The following ARHGAP45 variants were observed in gnomAD, a reference collection of about 807,000 sequenced individuals.
ARHGAP45 encodes rho GTPase-activating protein 45.
A neutral mutation model predicts 116.1 loss-of-function variants in ARHGAP45; 56 were observed. That is an observed-to-expected ratio of 0.48 (90% CI 0.39 to 0.60). ARHGAP45 has a LOEUF of 0.60. ARHGAP45 is among the 20% of genes least tolerant of loss of function. The pLI is 0.00. For synonymous variants in ARHGAP45, 866 were observed against 701.7 expected (o/e 1.23, Z -3.70); for missense variants, 1,622 against 1,601.0 (o/e 1.01, Z -0.22).
rs780805397 is a variant in ARHGAP45 at position 1,081,912 on chromosome 19, A to AG, written c.2470dup (p.Ala824GlyfsTer78). 1 of 1,612,902 alleles carries AG rather than the reference A, an allele frequency of 6.2e-7. No homozygotes were observed. The highest frequency in any genetic ancestry group is 8.5e-7 in the Non-Finnish European group (1 of 1,179,860). On this transcript the variant is annotated frameshift_variant, in exon 19 of 23. Transcript: ENST00000313093. LOFTEE classifies it high-confidence loss of function. ...GGCAAGGAGCTGGTCGAGCTGTCGC[A>AG]GGCCTCGCCCCACGACATCAGCAAC...
In ARHGAP45 at chr19:1,074,170, T is replaced by TTG; in HGVS notation, c.857_858insTG (p.Leu287GlyfsTer11). ...TGTGAGGGGGGCGTGGATGCCGCACTGCTGTATGCCAAGAACATGGCCAAG... is the reference window on the plus strand; with the variant it reads ...TGTGAGGGGGGCGTGGATGCCGCACTTGGCTGTATGCCAAGAACATGGCCAAG... On this transcript the variant is annotated frameshift_variant, in exon 7 of 23. Transcript: ENST00000313093. LOFTEE classifies it high-confidence loss of function. 1 of 1,613,472 alleles carries TTG rather than the reference T, an allele frequency of 6.2e-7. No individual in the cohort carries two copies. Among genetic ancestry groups the TTG allele is most frequent in the Non-Finnish European group, 8.5e-7 (1 of 1,180,002 alleles).
chr19:1,085,248 CCA>C (rs1209026658), intron 22 of ARHGAP45, among the ~76,000 whole-genome samples: 2 of 152,064 alleles, frequency 1.3e-5, no homozygotes, highest in East Asian at 1.9e-4. Context: ...TCCGGAAACT[CCA>C]GTTTTTAGAC....
Position 1,071,498 on chromosome 19 carries a change from C to T in ARHGAP45, c.422-1651C>T. 1 of 618,060 alleles carries T rather than the reference C, an allele frequency of 1.6e-6. No homozygotes were observed. Among genetic ancestry groups the T allele is most frequent in the Non-Finnish European group, 2.0e-6 (1 of 488,738 alleles). The allele number at this position is 618,060 out of a possible 1,614,324, so 38.3% of individuals were successfully genotyped here. A position where few individuals can be genotyped will look rare whatever the true frequency, so the allele number is the denominator to read the frequency against. ...TGCGCACCTGGGCATCCCTGCGCTG[C>T]GCAGGGGTCGCGCCGGCCGCCGGCT... On this transcript the variant is annotated intron_variant, in intron 2 of 22. Coordinates refer to ENST00000313093, the MANE Select transcript of ARHGAP45 (RefSeq NM_012292.5). This position sits in a 1 kb window ranked among gnomAD's most constrained non-coding sequence, Gnocchi z 4.6.
chr19:1,085,628 G>A (rs961658901), intron 22 of ARHGAP45, 32 bp from the exon 23 acceptor site: 8 of 1,442,426 alleles, frequency 5.5e-6, no homozygotes, highest in African/African-American at 4.4e-5. Context: ...TCTCCTGTCT[G>A]TCTCCCCCCG....
rs2043145351 is a variant in ARHGAP45 at position 1,071,745 on chromosome 19, G to A, written c.422-1404G>A. 1 of 152,270 alleles carries A rather than the reference G, an allele frequency of 6.6e-6. No individual in the cohort carries two copies. The highest frequency in any genetic ancestry group is 2.4e-5 in the African/African-American group (1 of 41,456). 9.4% of individuals were successfully genotyped at this position (152,270 alleles called of 1,614,324 possible). On this transcript the variant is annotated intron_variant, in intron 2 of 22. Coordinates refer to ENST00000313093, the MANE Select transcript of ARHGAP45 (RefSeq NM_012292.5). The surrounding 1 kb of genome is among the most constrained non-coding windows in gnomAD (Gnocchi z 4.6). ...TCTCAGGCCCGGCGGCGGCCAGCGGGGTATCTCTGGCGGGTGACTCGGTCG... is the reference window on the plus strand; with the variant it reads ...TCTCAGGCCCGGCGGCGGCCAGCGGAGTATCTCTGGCGGGTGACTCGGTCG...
intron 2 of ARHGAP45, among the ~76,000 whole-genome samples, chr19:1,072,202 C>G (rs889849740): frequency 1.1e-4 from 16 of 152,116 alleles, no homozygotes; most frequent in African/African-American, 3.9e-4. Flanking sequence ...GCCGGCATTA[C>G]AGAGGAGTGC....
At chr19:1,079,636 G>GC (rs2043367236) in intron 11 of ARHGAP45, 67 bp from the exon 12 acceptor site, 30 of 1,565,288 alleles carry the variant, frequency 1.9e-5, no homozygotes, top group Non-Finnish European at 2.5e-5. Context: ...CCGCCTCCCT[G>GC]AGGTTTCTGT....
Position 1,084,221 on chromosome 19 carries a change from C to T in ARHGAP45, c.2956-17C>T. ...TGGAGCCCCGGCCCCTCTATGACTTCCGTTCTGCACTTGCAGGACGAGTCA... is the reference window on the plus strand; with the variant it reads ...TGGAGCCCCGGCCCCTCTATGACTTTCGTTCTGCACTTGCAGGACGAGTCA... On this transcript the variant is annotated splice_polypyrimidine_tract_variant and intron_variant, in intron 21 of 22. Transcript: ENST00000313093. The T allele has an allele frequency of 1.2e-6, 2 of 1,608,934 alleles. No homozygotes were observed. Among genetic ancestry groups the T allele is most frequent in the Admixed American group, 1.7e-5 (1 of 60,004 alleles).
At chr19:1,080,869 C>G in intron 16 of ARHGAP45, 23 bp from the exon 17 acceptor site, 2 of 1,605,288 alleles carry the variant, frequency 1.2e-6, no homozygotes, top group Non-Finnish European at 1.7e-6. Flanking sequence ...CTTGGTGACA[C>G]CGGCTGCCTG....
At position 1,085,880 on chromosome 19, in the gene ARHGAP45, G is replaced by A. The variant is rs760444964; in HGVS notation, c.3285G>A (p.Gln1095=). 3.2e-5 allele frequency: 52 copies of A among 1,612,246 alleles called. No individual in the cohort carries two copies. The highest frequency in any genetic ancestry group is 4.4e-5 in the Non-Finnish European group (52 of 1,179,952). The part of the protein sequence containing the change: ...DGDGDEDGPA[Q]QLSGFNTNQS... The stretch of plus-strand genomic sequence containing the variant: ...ACGGGGACGAGGACGGCCCGGCCCA[G>A]CAGCTCTCAGGATTCAACACCAACC... Residue 1095 remains glutamine, a synonymous_variant, in exon 23 of 23, where the codon CAG becomes CAA. Coordinates refer to ENST00000313093, the MANE Select transcript of ARHGAP45 (RefSeq NM_012292.5).
intron 12 of ARHGAP45, 26 bp from the exon 13 acceptor site, chr19:1,079,902 C>T (rs2043378529): frequency 6.2e-7 from 1 of 1,600,030 alleles, no homozygotes; most frequent in Non-Finnish European, 8.5e-7. Flanking sequence ...CCTCCTGACC[C>T]CTCCGCTCTC....
Position 1,082,823 on chromosome 19 carries a change from C to T in ARHGAP45, c.2518-17C>T. 2.7e-6 allele frequency: 4 copies of T among 1,478,698 alleles called. No individual in the cohort carries two copies. The highest frequency in any genetic ancestry group is 3.8e-4 in the Middle Eastern group (2 of 5,258). The allele number at this position is 1,478,698 out of a possible 1,614,324, so 91.6% of individuals were successfully genotyped here. On this transcript the variant is annotated splice_polypyrimidine_tract_variant and intron_variant, in intron 19 of 22. Transcript: ENST00000313093. ...GGCCAGGCCCACCAACACCTGCTGA[C>T]CCTTGACTCTGCGCAGCTTCCCGAG...
chr19:1,074,447 CG>C, intron 8 of ARHGAP45, 40 bp downstream of exon 8: 1 of 1,472,946 alleles, frequency 6.8e-7, no homozygotes, highest in South Asian at 1.4e-5. Flanking sequence ...TCCCTGGGCC[CG>C]GGTGTGAGTC....
Position 1,084,349 on chromosome 19 carries a change from G to A in ARHGAP45, c.3064+3G>A. ...GGCGGCGGCGGACGGGTGCAGAGGTGAGTGTGTGGCTGCCCGAACGGCCCC... is the reference window on the plus strand; with the variant it reads ...GGCGGCGGCGGACGGGTGCAGAGGTAAGTGTGTGGCTGCCCGAACGGCCCC... On this transcript the variant is annotated splice_donor_region_variant and intron_variant, in intron 22 of 22. Transcript: ENST00000313093. 6.2e-7 allele frequency: 1 copy of A among 1,604,458 alleles called. No individual in the cohort carries two copies. Among genetic ancestry groups the A allele is most frequent in the Non-Finnish European group, 8.5e-7 (1 of 1,176,184 alleles).
In ARHGAP45 at chr19:1,078,187, A is replaced by T. The variant is rs888645603; in HGVS notation, c.1374+142A>T. 5 of 1,340,748 alleles carry T rather than the reference A, an allele frequency of 3.7e-6. No individual in the cohort carries two copies. The African/African-American group carries it at 7.4e-5, about 20-fold the overall frequency. 83.1% of individuals were successfully genotyped at this position (1,340,748 alleles called of 1,614,324 possible). On this transcript the variant is annotated intron_variant, in intron 11 of 22. Transcript: ENST00000313093. ...GAGACGGAGTCTTGCTCTGTCGCCC[A>T]GGCTGGAGTGCAGTGGCACAGTCTC... is the stretch of plus-strand genomic sequence containing the variant.
chr19:1,079,986 T>G lies in ARHGAP45; in HGVS notation c.1571T>G (p.Phe524Cys). ...CAGACGGCGCCGCTGCCCGTGCACT[T>G]CCAGATGCTGTGTGAGAGCAGCAAG... is the stretch of plus-strand genomic sequence containing the variant. ...HMQTAPLPVH[F>C]QMLCESSKLY... Residue 524 changes from phenylalanine to cysteine, a missense_variant, in exon 13 of 23, where the codon TTC becomes TGC. Phe to Cys is a radical substitution (Grantham distance 205, BLOSUM62 -2). Coordinates refer to ENST00000313093, the MANE Select transcript of ARHGAP45 (RefSeq NM_012292.5). 1 of 1,612,900 alleles carries G rather than the reference T, an allele frequency of 6.2e-7. No homozygotes were observed. Among genetic ancestry groups the G allele is most frequent in the South Asian group, 1.1e-5 (1 of 91,082 alleles).
rs528156332 is a variant in ARHGAP45 at position 1,084,001 on chromosome 19, C to A, written c.2956-237C>A. ...AGTGATCCGCACCCCCCTTGGCCTC[C>A]TGAAGTGCTGGGATTACAGGTGTGA... On this transcript the variant is annotated intron_variant, in intron 21 of 22. Transcript: ENST00000313093. Among the ~76,000 whole-genome samples, 7 of 152,310 alleles carry A rather than the reference C, an allele frequency of 4.6e-5. No individual in the cohort carries two copies. In the East Asian group the frequency reaches 1.4e-3, roughly 29 times the overall value.
chr19:1,085,370 T>C (rs1049601535), intron 22 of ARHGAP45, among the ~76,000 whole-genome samples: 13 of 152,164 alleles, frequency 8.5e-5, no homozygotes, highest in African/African-American at 1.9e-4. Context: ...GTGGGAATTA[T>C]GGGAGCTACA....
At position 1,083,230 on chromosome 19, in the gene ARHGAP45, C is replaced by T. The variant is rs200086684; in HGVS notation, c.2832C>T (p.Thr944=). 5.3e-5 allele frequency: 85 copies of T among 1,607,820 alleles called. No individual in the cohort carries two copies. In the East Asian group the frequency reaches 1.6e-3, roughly 31 times the overall value. The part of the protein sequence containing the change: ...FGPTLLRPRP[T]EATVSLSSLV... ...CCACGCTGCTTCGGCCACGGCCCACCGAGGCCACCGTGTCCCTCTCCTCCC... is the reference window on the plus strand; with the variant it reads ...CCACGCTGCTTCGGCCACGGCCCACTGAGGCCACCGTGTCCCTCTCCTCCC... The change falls in exon 21 of 23, where the codon ACC becomes ACT. Residue 944 remains threonine, a synonymous_variant. Transcript: ENST00000313093.
Sources: allele counts gnomAD v4.1 joint callset (sites outside exome capture counted in the v4.1 genomes callset), GRCh38; gene constraint gnomAD v4.1.1; non-coding constraint Gnocchi (gnomAD v3.1); transcripts MANE v1.5; gene names NCBI Gene and HGNC (gene_info 2026-07-23, HGNC 2026-07-21).